The following LRRC4C variants were observed in gnomAD, a reference collection of about 807,000 sequenced individuals.
LRRC4C encodes leucine rich repeat containing 4C, also known as leucine-rich repeat-containing protein 4C.
In LRRC4C, 5 loss-of-function variants were observed where a neutral mutation model predicts 33.6. The ratio of observed to expected loss-of-function variants is 0.15; its 90% confidence interval spans 0.08 to 0.31. The LOEUF (loss-of-function observed/expected upper bound fraction) is 0.31, where lower values mean the gene tolerates loss of function less well. Among genes scored for constraint, LRRC4C ranks in the 10% least tolerant of loss-of-function variants. LRRC4C has a pLI of 1.00. For synonymous variants in LRRC4C, 329 were observed against 302.0 expected (o/e 1.09, Z -0.93); for missense variants, 560 against 796.7 (o/e 0.70, Z 3.58).
chr11:41,228,461 G>A (rs895849321), intron 1 of LRRC4C, among the ~76,000 whole-genome samples: 12 of 152,048 alleles, frequency 7.9e-5, no homozygotes, highest in Non-Finnish European at 1.8e-4. Context: ...CTCCATCACG[G>A]CTGTGAGACA....
At chr11:41,270,007 G>T (rs192121399) in intron 1 of LRRC4C, among the ~76,000 whole-genome samples, 1 of 152,036 alleles carries the variant, frequency 6.6e-6, no homozygotes, top group Non-Finnish European at 1.5e-5. Context: ...AATATTTAGC[G>T]GGGGATTGGT....
intron 2 of LRRC4C, among the ~76,000 whole-genome samples, chr11:40,898,507 G>T (rs1342938598): frequency 1.3e-5 from 2 of 151,976 alleles, no homozygotes; most frequent in East Asian, 3.9e-4. Context: ...TCTGATCTCA[G>T]ATTGTATCGC....
At chr11:41,422,722 T>C (rs1397050296) in intron 1 of LRRC4C, among the ~76,000 whole-genome samples, 2 of 152,056 alleles carry the variant, frequency 1.3e-5, no homozygotes, top group South Asian at 4.1e-4. Flanking sequence ...ATACAACTCA[T>C]GTAAAAAGAA....
intron 3 of LRRC4C, among the ~76,000 whole-genome samples, chr11:40,558,808 A>C (rs1957430381): frequency 6.6e-6 from 1 of 152,116 alleles, no homozygotes; most frequent in South Asian, 2.1e-4. Context: ...TCACCCAGGT[A>C]TTAAGCCCAG....
intron 3 of LRRC4C, among the ~76,000 whole-genome samples, chr11:40,547,175 A>C (rs575619677): frequency 1.2e-4 from 19 of 152,146 alleles, no homozygotes; most frequent in Non-Finnish European, 2.6e-4. Context: ...CAATAACAAC[A>C]GCTATATTCA....
chr11:41,403,328 G>A (rs998476315), intron 1 of LRRC4C, among the ~76,000 whole-genome samples: 1 of 152,002 alleles, frequency 6.6e-6, no homozygotes, highest in East Asian at 1.9e-4. Flanking sequence ...TGTAACAAAA[G>A]CCTACAGAGG....
chr11:40,986,026 A>C (rs571712954), intron 1 of LRRC4C, among the ~76,000 whole-genome samples: 1 of 152,180 alleles, frequency 6.6e-6, no homozygotes, highest in African/African-American at 2.4e-5. Context: ...CAGACCAACT[A>C]TAAAACAAAT....
rs547502287 is a variant in LRRC4C, at chr11:41,201,351, A to G, written c.-496+258080T>C. Among the ~76,000 whole-genome samples the G allele has an allele frequency of 4.6e-5, 7 of 152,266 alleles. No individual in the cohort carries two copies. The East Asian group carries it at 5.8e-4, about 13-fold the overall frequency. ...GCTCGTGTTCCCAAAACCAATCCCAACGTGACACCTAGTGGCGGCTCTAGG... is the reference window on the plus strand; with the variant it reads ...GCTCGTGTTCCCAAAACCAATCCCAGCGTGACACCTAGTGGCGGCTCTAGG... On this transcript the variant is annotated intron_variant, in intron 1 of 6. Coordinates refer to ENST00000528697, the MANE Select transcript of LRRC4C (RefSeq NM_001258419.2).
chr11:41,404,046 G>A (rs1954125168), intron 1 of LRRC4C, among the ~76,000 whole-genome samples: 1 of 152,080 alleles, frequency 6.6e-6, no homozygotes, highest in Admixed American at 6.6e-5. Context: ...ACACAGTTGA[G>A]AAGTAAATTA....
At chr11:40,226,598 G>A (rs976956223) in intron 5 of LRRC4C, among the ~76,000 whole-genome samples, 6 of 152,108 alleles carry the variant, frequency 3.9e-5, no homozygotes, top group Non-Finnish European at 7.4e-5. Context: ...GTCAGATTCC[G>A]TAGATTAAAT....
intron 5 of LRRC4C, among the ~76,000 whole-genome samples, chr11:40,189,321 C>T (rs947145911): frequency 2.6e-5 from 4 of 152,146 alleles, no homozygotes; most frequent in Non-Finnish European, 4.4e-5. Flanking sequence ...TAAACAACCT[C>T]GTTCTATAAA....
chr11:41,102,804 G>T (rs1941270732), intron 1 of LRRC4C, among the ~76,000 whole-genome samples: 2 of 151,964 alleles, frequency 1.3e-5, no homozygotes, highest in Admixed American at 1.3e-4. Flanking sequence ...TAATAGTTCT[G>T]CCACATAAGT....
At chr11:41,341,647 A>T (rs1202300555) in intron 1 of LRRC4C, among the ~76,000 whole-genome samples, 2 of 152,212 alleles carry the variant, frequency 1.3e-5, no homozygotes, top group Admixed American at 1.3e-4. Context: ...ACAAAAGACC[A>T]TGTAAATAAA....
chr11:40,226,061 C>T (rs940515578), intron 5 of LRRC4C, among the ~76,000 whole-genome samples: 2 of 152,144 alleles, frequency 1.3e-5, no homozygotes, highest in Admixed American at 6.5e-5. Flanking sequence ...CTCCCTAAAA[C>T]CACAAAATCT....
At chr11:41,411,140 C>CTTTTTTTTTTT (rs1249968357) in intron 1 of LRRC4C, among the ~76,000 whole-genome samples, 6 of 49,916 alleles carry the variant, frequency 1.2e-4, no homozygotes, top group African/African-American at 3.1e-4. Context: ...GGTTGGTACC[C>CTTTTTTTTTTT]TATTTTTTTT....
At chr11:40,948,958 G>T (rs1213541656) in intron 1 of LRRC4C, among the ~76,000 whole-genome samples, 1 of 152,014 alleles carries the variant, frequency 6.6e-6, no homozygotes, top group African/African-American at 2.4e-5. Context: ...CTTCCACAAT[G>T]GTTGAACTAG....
intron 1 of LRRC4C, among the ~76,000 whole-genome samples, chr11:41,416,542 C>A (rs562042497): frequency 3.3e-5 from 5 of 152,114 alleles, no homozygotes; most frequent in Non-Finnish European, 7.4e-5. Flanking sequence ...CAAAGCAAAG[C>A]AAATCTTTCT....
intron 1 of LRRC4C, among the ~76,000 whole-genome samples, chr11:41,372,404 T>C (rs1031912780): frequency 4.6e-5 from 7 of 152,210 alleles, no homozygotes; most frequent in African/African-American, 1.7e-4. Flanking sequence ...ATGGGAAGAC[T>C]GAAAGTTAGA....
chr11:41,132,139 G>A (rs1943041280), intron 1 of LRRC4C, among the ~76,000 whole-genome samples: 1 of 152,132 alleles, frequency 6.6e-6, no homozygotes, highest in Admixed American at 6.6e-5. Flanking sequence ...CCCTCTTGGA[G>A]TCTGGATCAG....
Sources: gnomAD v4.1 joint callset for allele counts (sites outside exome capture counted in the v4.1 genomes callset) on GRCh38, gnomAD v4.1.1 for gene constraint, MANE v1.5 for transcripts, NCBI Gene and HGNC (gene_info 2026-07-23, HGNC 2026-07-21) for gene names.